Variants in TIMM44 observed in about 807,000 individuals in gnomAD.
TIMM44 encodes the protein translocase of inner mitochondrial membrane 44.
In TIMM44, 37 loss-of-function variants were observed where a neutral mutation model predicts 63.8. The observed-to-expected ratio is 0.58, with a 90% CI of 0.45 to 0.76. The LOEUF is 0.76. Among genes scored for constraint, TIMM44 ranks in the 30% least tolerant of loss-of-function variants. TIMM44 has a pLI of 0.00. For missense variants in TIMM44, 573 were observed against 603.8 expected, an observed-to-expected ratio of 0.95 and a Z score of 0.54; for synonymous variants, 239 against 245.1, an observed-to-expected ratio of 0.98 and a Z score of 0.23.
At chr19:7,931,476 G>A (rs2032771344) in intron 9 of TIMM44, 3 of 461,502 alleles carry the variant, frequency 6.5e-6, no homozygotes, top group South Asian at 4.4e-5. Flanking sequence ...TGGAGGAAGA[G>A]AAAGGTGGCT....
rs765439587 is a variant in TIMM44, at chr19:7,935,134, C to A, written c.324G>T (p.Glu108Asp). 1.2e-6 allele frequency: 2 copies of A among 1,609,948 alleles called. No homozygotes were observed. Among genetic ancestry groups the A allele is most frequent in the African/African-American group, 2.7e-5 (2 of 74,580 alleles). Residue 108 changes from glutamate to aspartate, a missense_variant, in exon 4 of 13, where the codon GAG becomes GAT. By Grantham distance (45) the Glu-to-Asp change is conservative. Coordinates refer to ENST00000270538, the MANE Select transcript of TIMM44 (RefSeq NM_006351.4). ...QEARRKYKTIESETVRTSEVL... is the reference protein window; with the variant it reads ...QEARRKYKTIDSETVRTSEVL... ...CCTCGCTCGTCCGCACGGTTTCTGA[C>A]TCGATGGTTTTCTAGGTAAAGAGCG...
At position 7,943,665 on chromosome 19, in the gene TIMM44, G is replaced by T; in HGVS notation, c.-14C>A. 1 of 1,556,076 alleles carries T rather than the reference G, an allele frequency of 6.4e-7. No homozygotes were observed. Among genetic ancestry groups the T allele is most frequent in the Non-Finnish European group, 8.6e-7 (1 of 1,157,680 alleles). Reference sequence around the variant, plus strand: ...CGCCGCCGCCATGTTGGAGAATCGTGTGACCTTCTCGCGGCGCGGCCCGGT... The same window carrying T: ...CGCCGCCGCCATGTTGGAGAATCGTTTGACCTTCTCGCGGCGCGGCCCGGT... On this transcript the variant is annotated 5_prime_UTR_variant, in exon 1 of 13. Coordinates refer to ENST00000270538, the MANE Select transcript of TIMM44 (RefSeq NM_006351.4). This position sits in a 1 kb window ranked among gnomAD's most constrained non-coding sequence, Gnocchi z 4.3.
chr19:7,934,077 G>A lies in TIMM44; in HGVS notation c.543+12C>T. 1.9e-6 allele frequency: 3 copies of A among 1,613,278 alleles called. No individual in the cohort carries two copies. Among genetic ancestry groups the A allele is most frequent in the South Asian group, 2.2e-5 (2 of 91,088 alleles). On this transcript the variant is annotated intron_variant, in intron 5 of 12. Coordinates refer to ENST00000270538, the MANE Select transcript of TIMM44 (RefSeq NM_006351.4). The surrounding 1 kb of genome is among the most constrained non-coding windows in gnomAD (Gnocchi z 5.3). ...CCCCAGGCTGCATGCCCTAGCCCAG[G>A]ACTGGGCTCACCTGGGAGAGGGCTC...
chr19:7,927,416 G>A (rs2145169987), intron 12 of TIMM44, 110 bp from the exon 13 acceptor site: 3 of 1,378,364 alleles, frequency 2.2e-6, no homozygotes, highest in East Asian at 2.3e-5. Context: ...TTCCCCAGGG[G>A]CTGGGAGCAG....
intron 2 of TIMM44, among the ~76,000 whole-genome samples, chr19:7,939,902 ACT>A (rs1288048806): frequency 2.7e-5 from 4 of 150,420 alleles, no homozygotes; most frequent in Non-Finnish European, 5.9e-5. Flanking sequence ...ACAGAGTGAG[ACT>A]CTGTTTCAAA....
Position 7,943,627 on chromosome 19 carries a change from C to T in TIMM44, c.25G>A (p.Gly9Ser). The T allele has an allele frequency of 6.4e-7, 1 of 1,572,130 alleles. No individual in the cohort carries two copies. The highest frequency in any genetic ancestry group is 1.1e-5 in the South Asian group (1 of 87,206). ...CTCACCCGTGGACAGCGGCACCAGCCACTCCGCAGGGCCGCCGCCGCCATG... is the reference window on the plus strand; with the variant it reads ...CTCACCCGTGGACAGCGGCACCAGCTACTCCGCAGGGCCGCCGCCGCCATG... MAAAALRS[G>S]WCRCPRRCLG... The change falls in exon 1 of 13, where the codon GGC (glycine) becomes AGC (serine). Residue 9 changes from glycine (G) to serine (S), a missense_variant. By Grantham distance (56) the Gly-to-Ser change is moderately conservative (BLOSUM62 0). Coordinates refer to ENST00000270538, the MANE Select transcript of TIMM44 (RefSeq NM_006351.4). This position sits in a 1 kb window ranked among gnomAD's most constrained non-coding sequence, Gnocchi z 4.3.
intron 10 of TIMM44, 140 bp downstream of exon 10, chr19:7,930,998 T>C: frequency 1.4e-6 from 1 of 706,332 alleles, no homozygotes; most frequent in Non-Finnish European, 2.4e-6. Context: ...TCTCGGAGGG[T>C]GAGACGTGAG....
At position 7,933,410 on chromosome 19, in the gene TIMM44, A is replaced by G; in HGVS notation, c.769+75T>C. The G allele has an allele frequency of 7.4e-7, 1 of 1,344,870 alleles. No individual in the cohort carries two copies. Among genetic ancestry groups the G allele is most frequent in the South Asian group, 1.2e-5 (1 of 85,640 alleles). The allele number at this position is 1,344,870 out of a possible 1,614,324, so 83.3% of individuals were successfully genotyped here. On this transcript the variant is annotated intron_variant, in intron 7 of 12. Transcript: ENST00000270538. This position sits in a 1 kb window ranked among gnomAD's most constrained non-coding sequence, Gnocchi z 4.3. ...GCAAAACGGGGCTGTCTTGTGCCCA[A>G]TGCAGGGGGATCACCTTGCGGTCCA...
chr19:7,932,426 G>GCCC, intron 9 of TIMM44: 1 of 655,032 alleles, frequency 1.5e-6, no homozygotes, highest in Non-Finnish European at 2.6e-6. Flanking sequence ...TACCGGAGGT[G>GCCC]CCGGTAAGGC....
Position 7,934,040 on chromosome 19 carries a change from TG to T in TIMM44, c.544-38del. On this transcript the variant is annotated intron_variant, in intron 5 of 12. Coordinates refer to ENST00000270538, the MANE Select transcript of TIMM44 (RefSeq NM_006351.4). This position sits in a 1 kb window ranked among gnomAD's most constrained non-coding sequence, Gnocchi z 5.3. ...GCACAGCGGGGCTGGGGTGGGTGTC[TG>T]GGTTCGGCCGCCCCAGGCTGCATGC... is the stretch of plus-strand genomic sequence containing the variant. 2 of 1,613,462 alleles carry T rather than the reference TG, an allele frequency of 1.2e-6. No homozygotes were observed. The highest frequency in any genetic ancestry group is 1.7e-6 in the Non-Finnish European group (2 of 1,179,958).
rs1018437329 is a variant in TIMM44 at position 7,927,255 on chromosome 19, C to T, written c.1291G>A (p.Glu431Lys). ...YVWALCRDQD[E>K]LNPYAAWRLL... ...CGCCAGGCCGCGTAGGGGTTGAGCTCGTCCTGGTCTCGGCAGAGCGCCCAC... is the reference window on the plus strand; with the variant it reads ...CGCCAGGCCGCGTAGGGGTTGAGCTTGTCCTGGTCTCGGCAGAGCGCCCAC... The change falls in exon 13 of 13, where the codon GAG (glutamate) becomes AAG (lysine). Residue 431 changes from glutamate (E) to lysine (K), a missense_variant. Glu to Lys is a moderately conservative substitution (Grantham distance 56). Coordinates refer to ENST00000270538, the MANE Select transcript of TIMM44 (RefSeq NM_006351.4). 4 of 1,612,436 alleles carry T rather than the reference C, an allele frequency of 2.5e-6. No individual in the cohort carries two copies. In the South Asian group the frequency reaches 3.3e-5, roughly 13 times the overall value.
rs201118826 is a variant in TIMM44, at chr19:7,933,458, C to T, written c.769+27G>A. ...CCACCAACTGCCCGGGACACAGTCA[C>T]CTGCCCTCCAAGACACCTTCACTCA... On this transcript the variant is annotated intron_variant, in intron 7 of 12. Coordinates refer to ENST00000270538, the MANE Select transcript of TIMM44 (RefSeq NM_006351.4). This position sits in a 1 kb window ranked among gnomAD's most constrained non-coding sequence, Gnocchi z 4.3. 750 of 1,605,698 alleles carry T rather than the reference C, an allele frequency of 4.7e-4. 8 individuals are homozygous for T. In the African/African-American group the frequency reaches 8.5e-3, roughly 18 times the overall value.
At position 7,934,169 on chromosome 19, in the gene TIMM44, T is replaced by A; in HGVS notation, c.463A>T (p.Thr155Ser). ...ACCGACTCGGCCGACTGCTTGGCCG[T>A]CTTGGCTGCTTCCTCCACGCCCTCC... ...IKEGVEEAAK[T>S]AKQSAESVSK... The change falls in exon 5 of 13, where the codon ACG (threonine) becomes TCG (serine). Residue 155 changes from threonine (T) to serine (S), a missense_variant. By Grantham distance (58) the Thr-to-Ser change is moderately conservative (BLOSUM62 1). Transcript: ENST00000270538. This position sits in a 1 kb window ranked among gnomAD's most constrained non-coding sequence, Gnocchi z 5.3. 1.9e-6 allele frequency: 3 copies of A among 1,613,520 alleles called. No homozygotes were observed. The highest frequency in any genetic ancestry group is 2.5e-6 in the Non-Finnish European group (3 of 1,179,954).
intron 3 of TIMM44, among the ~76,000 whole-genome samples, chr19:7,935,975 C>T (rs774147784): frequency 1.8e-4 from 28 of 152,088 alleles, no homozygotes; most frequent in Non-Finnish European, 3.1e-4. Context: ...GGCAACATGG[C>T]GAGACCCTGT....
At chr19:7,931,648 G>A (rs138598198) in intron 9 of TIMM44, 2,069 of 188,520 alleles carry the variant, frequency 0.011, 48 homozygotes, top group African/African-American at 0.046. Flanking sequence ...TGGGGGCAGC[G>A]AGAGGGAGGG....
At chr19:7,931,379 C>G (rs111769029) in intron 9 of TIMM44, 191 bp from the exon 10 acceptor site, 46 of 643,522 alleles carry the variant, frequency 7.1e-5, no homozygotes, top group African/African-American at 6.0e-4. Context: ...GGTGTCAGTG[C>G]CTGGCTCTGG....
rs759032720 is a variant in TIMM44, at chr19:7,934,229, C to T, written c.403G>A (p.Glu135Lys). The T allele has an allele frequency of 9.3e-6, 15 of 1,612,278 alleles. No individual in the cohort carries two copies. Among genetic ancestry groups the T allele is most frequent in the Non-Finnish European group, 1.3e-5 (15 of 1,179,974 alleles). ...LTGTVKESLH[E>K]VSKSDLGRKI... The stretch of plus-strand genomic sequence containing the variant: ...CGGCCGAGATCACTTTTACTGACTT[C>T]GTGAAGGCTCTACTGAGACAGACAC... Residue 135 changes from glutamate to lysine, a missense_variant, in exon 5 of 13, where the codon GAA becomes AAA. Transcript: ENST00000270538. This position sits in a 1 kb window ranked among gnomAD's most constrained non-coding sequence, Gnocchi z 5.3.
intron 11 of TIMM44, 62 bp downstream of exon 11, chr19:7,928,015 C>A: frequency 6.6e-7 from 1 of 1,515,970 alleles, no homozygotes; most frequent in Non-Finnish European, 9.1e-7. Flanking sequence ...CCTCCTGGGC[C>A]TTGTCTGGGC....
chr19:7,928,443 A>C, intron 10 of TIMM44: 4 of 479,748 alleles, frequency 8.3e-6, no homozygotes, highest in Non-Finnish European at 1.5e-5. Context: ...AAAATCCCAA[A>C]TCTACTCCCA....
Sources: allele counts gnomAD v4.1 joint callset (sites outside exome capture counted in the v4.1 genomes callset), GRCh38; gene constraint gnomAD v4.1.1; non-coding constraint Gnocchi (gnomAD v3.1); transcripts MANE v1.5; gene names NCBI Gene and HGNC (gene_info 2026-07-23, HGNC 2026-07-21).